PGGHG: variants seen among roughly 807,000 people sequenced by gnomAD.
The protein encoded by PGGHG is protein-glucosylgalactosylhydroxylysine glucosidase.
PGGHG carries 67 observed loss-of-function variants against 74.5 expected under a neutral mutation model. The observed-to-expected ratio is 0.90, with a 90% CI of 0.74 to 1.10. The LOEUF is 1.10. PGGHG is among the 50% of genes least tolerant of loss of function. The probability of loss-of-function intolerance (pLI) is 0.00; values close to 1 mark genes in which losing one functional copy is unlikely to be tolerated. For missense variants in PGGHG, 1,034 were observed against 981.5 expected (o/e 1.05, Z -0.72); for synonymous variants, 496 against 419.9 (o/e 1.18, Z -2.21).
intron 11 of PGGHG, 34 bp from the exon 12 acceptor site, chr11:294,065 G>A (rs2134030312): frequency 1.3e-6 from 2 of 1,586,180 alleles, no homozygotes; most frequent in Non-Finnish European, 1.7e-6. Flanking sequence ...CGGTGACCTG[G>A]GGGTCCTGGT....
chr11:292,706 C>T (rs373066201), intron 6 of PGGHG, 29 bp downstream of exon 6: 186 of 1,612,988 alleles, frequency 1.2e-4, no homozygotes, highest in Admixed American at 1.5e-4. Context: ...ACCATTCCTG[C>T]AAGTGTGGCC....
chr11:292,119 C>G, intron 5 of PGGHG, 24 bp downstream of exon 5: 1 of 1,530,504 alleles, frequency 6.5e-7, no homozygotes. Flanking sequence ...GGGCACTGGC[C>G]CGTAGGGCCC....
rs756297743 is a variant in PGGHG at position 293,549 on chromosome 11, G to C, written c.1481-45G>C. ...CTCCTCCCCTGCCGTCGAGACCCTC[G>C]AGTCTGTCCTGGAACACCTTCCAGT... On this transcript the variant is annotated intron_variant, in intron 9 of 13. Coordinates refer to ENST00000409548, the MANE Select transcript of PGGHG (RefSeq NM_025092.5). 1.5e-5 allele frequency: 24 copies of C among 1,612,470 alleles called. No homozygotes were observed. In the South Asian group the frequency reaches 2.5e-4, roughly 17 times the overall value.
chr11:291,604 G>A (rs1404702066), intron 4 of PGGHG: 1 of 284,074 alleles, frequency 3.5e-6, no homozygotes, highest in Non-Finnish European at 6.7e-6. Flanking sequence ...TGACTGTGCT[G>A]GGGCTGCTCC....
In PGGHG at chr11:289,127, C is replaced by A. The variant is rs942670110; in HGVS notation, c.-126C>A. ...GCCCGGGCCCTCGGGGCGGGGACCGCGGACCTTCCTGGTGGCGCGGCAGCC... is the reference window on the plus strand; with the variant it reads ...GCCCGGGCCCTCGGGGCGGGGACCGAGGACCTTCCTGGTGGCGCGGCAGCC... On this transcript the variant is annotated 5_prime_UTR_variant, in exon 1 of 14. Transcript: ENST00000409548. The surrounding 1 kb of genome is among the most constrained non-coding windows in gnomAD (Gnocchi z 5.6). 2.7e-5 allele frequency: 4 copies of A among 150,524 alleles called. No homozygotes were observed. The highest frequency in any genetic ancestry group is 7.3e-5 in the African/African-American group (3 of 41,254). 9.3% of individuals were successfully genotyped at this position (150,524 alleles called of 1,614,324 possible).
chr11:291,152 G>A lies in PGGHG; in HGVS notation c.906+39G>A, dbSNP rs765070238. ...ACCCAGCACCAGCCACACAGCAGGC[G>A]ACACATGGAGGTCCACGGTCTCTGC... On this transcript the variant is annotated intron_variant, in intron 4 of 13. Coordinates refer to ENST00000409548, the MANE Select transcript of PGGHG (RefSeq NM_025092.5). 119 of 1,522,024 alleles carry A rather than the reference G, an allele frequency of 7.8e-5. 1 individual carries two copies. In the South Asian group the frequency reaches 1.3e-3, roughly 16 times the overall value. 94.3% of individuals were successfully genotyped at this position (1,522,024 alleles called of 1,614,324 possible). A position where few individuals can be genotyped will look rare whatever the true frequency, so the allele number is the denominator to read the frequency against.
rs748770834 is a variant in PGGHG at position 290,629 on chromosome 11, G to A, written c.470+29G>A. 1.8e-5 allele frequency: 29 copies of A among 1,601,210 alleles called. No homozygotes were observed. The Admixed American group carries it at 4.6e-4, about 26-fold the overall frequency. On this transcript the variant is annotated intron_variant, in intron 3 of 13. Transcript: ENST00000409548. ...AGGAGGGGGCTGGATTTGCAGCCAG[G>A]GAGTCCAGGGAGGGAGCTCATCCCT...
In PGGHG at chr11:290,981, C is replaced by T; in HGVS notation, c.774C>T (p.Gly258=). The T allele has an allele frequency of 1.9e-6, 3 of 1,612,744 alleles. No individual in the cohort carries two copies. Among genetic ancestry groups the T allele is most frequent in the Non-Finnish European group, 8.5e-7 (1 of 1,179,996 alleles). ...TGCAGCTGCGCCAGGCCCTGCGTGG[C>T]TCCCTCTACTACCTGCTCAGTGCCC... The part of the protein sequence containing the change: ...GPLQLRQALR[G]SLYYLLSALP... The change falls in exon 4 of 14, where the codon GGC becomes GGT. Residue 258 remains glycine, a synonymous_variant. Transcript: ENST00000409548.
chr11:290,049 A>G lies in PGGHG; in HGVS notation c.233A>G (p.Glu78Gly). The change falls in exon 2 of 14, where the codon GAG (glutamate) becomes GGG (glycine). Residue 78 changes from glutamate to glycine, a missense_variant. Physicochemically the swap from Glu to Gly is moderately conservative, Grantham distance 98 (BLOSUM62 -2). Transcript: ENST00000409548. The part of the protein sequence containing the change: ...APAGMGEQLT[E>G]TFALDTNTGS... ...GCAGGGATGGGGGAGCAGCTGACCGAGACCTTCGCCCTGGACACCAACACA... is the reference window on the plus strand; with the variant it reads ...GCAGGGATGGGGGAGCAGCTGACCGGGACCTTCGCCCTGGACACCAACACA... 3 of 1,540,260 alleles carry G rather than the reference A, an allele frequency of 1.9e-6. No individual in the cohort carries two copies. Among genetic ancestry groups the G allele is most frequent in the Non-Finnish European group, 2.6e-6 (3 of 1,145,240 alleles).
chr11:293,970 G>T (rs767750412), intron 11 of PGGHG, 45 bp downstream of exon 11: 9 of 1,598,736 alleles, frequency 5.6e-6, no homozygotes, highest in Middle Eastern at 1.8e-4. Context: ...CTTGTGGTGG[G>T]AGTGGAGCCC....
Position 293,747 on chromosome 11 carries a change from G to A in PGGHG, c.1614+20G>A. 6.2e-7 allele frequency: 1 copy of A among 1,613,344 alleles called. No individual in the cohort carries two copies. Among genetic ancestry groups the A allele is most frequent in the South Asian group, 1.1e-5 (1 of 91,090 alleles). On this transcript the variant is annotated intron_variant, in intron 10 of 13. Coordinates refer to ENST00000409548, the MANE Select transcript of PGGHG (RefSeq NM_025092.5). ...ACCTGGGTGAGCACCCTGGGGCTGT[G>A]GAGTTCCTACCCCATTGGCCTCAGT...
chr11:289,717 T>C lies in PGGHG; in HGVS notation c.-13-87T>C. The C allele has an allele frequency of 7.0e-7, 1 of 1,431,308 alleles. No homozygotes were observed. Among genetic ancestry groups the C allele is most frequent in the Non-Finnish European group, 9.2e-7 (1 of 1,083,722 alleles). 88.7% of individuals were successfully genotyped at this position (1,431,308 alleles called of 1,614,324 possible). A position where few individuals can be genotyped will look rare whatever the true frequency, so the allele number is the denominator to read the frequency against. On this transcript the variant is annotated intron_variant, in intron 1 of 13. Coordinates refer to ENST00000409548, the MANE Select transcript of PGGHG (RefSeq NM_025092.5). This position sits in a 1 kb window ranked among gnomAD's most constrained non-coding sequence, Gnocchi z 5.6. Reference sequence around the variant, plus strand: ...CTGGTTCCGCAACTCCCCCCAGTTCTGAGGGAGGCTTCAGGGGATTACAGA... The same window carrying C: ...CTGGTTCCGCAACTCCCCCCAGTTCCGAGGGAGGCTTCAGGGGATTACAGA...
At position 292,006 on chromosome 11, in the gene PGGHG, T is replaced by A. The variant is rs1845737366; in HGVS notation, c.937T>A (p.Phe313Ile). Residue 313 changes from phenylalanine to isoleucine, a missense_variant, in exon 5 of 14, where the codon TTC becomes ATC. Phe to Ile is a conservative substitution (Grantham distance 21). Transcript: ENST00000409548. ...DLWMFPSILM[F>I]HPEAARAILE... ...CTGGATGTTCCCGAGTATCCTGATGTTCCACCCAGAAGCCGCCAGGGCCAT... is the reference window on the plus strand; with the variant it reads ...CTGGATGTTCCCGAGTATCCTGATGATCCACCCAGAAGCCGCCAGGGCCAT... The A allele has an allele frequency of 1.2e-6, 2 of 1,610,500 alleles. No homozygotes were observed. The highest frequency in any genetic ancestry group is 1.7e-6 in the Non-Finnish European group (2 of 1,178,812).
chr11:290,714 C>T lies in PGGHG; in HGVS notation c.507C>T (p.Pro169=), dbSNP rs1456767823. 2.5e-6 allele frequency: 4 copies of T among 1,604,194 alleles called. No individual in the cohort carries two copies. The highest frequency in any genetic ancestry group is 1.7e-4 in the Middle Eastern group (1 of 6,004). Residue 169 remains proline (P), a synonymous_variant, in exon 4 of 14, where the codon CCC becomes CCT. Transcript: ENST00000409548. ...GCCACACCCTCACCCCTGAGCAGCC[C>T]GGGGGGCCACAGCAAGAGGTACACA... ...LYGHTLTPEQ[P]GGPQQEVHML...
Position 293,861 on chromosome 11 carries a change from A to G in PGGHG, c.1646A>G (p.Lys549Arg). ...SMFAVGWMEL[K>R]DAVRARGLLD... ...TTTGCTGTGGGCTGGATGGAGCTGA[A>G]GGACGCAGTGCGGGCCCGGGGCCTC... is the stretch of plus-strand genomic sequence containing the variant. The change falls in exon 11 of 14, where the codon AAG (lysine) becomes AGG (arginine). Residue 549 changes from lysine to arginine, a missense_variant. Lys to Arg is a conservative substitution (Grantham distance 26, BLOSUM62 2). Transcript: ENST00000409548. 1 of 1,613,700 alleles carries G rather than the reference A, an allele frequency of 6.2e-7. No homozygotes were observed. Among genetic ancestry groups the G allele is most frequent in the Non-Finnish European group, 8.5e-7 (1 of 1,179,990 alleles).
At chr11:292,435 G>A (rs1274998710) in intron 5 of PGGHG, 111 bp from the exon 6 acceptor site, 1 of 1,396,620 alleles carries the variant, frequency 7.2e-7, no homozygotes. Flanking sequence ...CACCCGCCAG[G>A]GTACCTGGCG....
Position 293,800 on chromosome 11 carries a change from C to G in PGGHG, c.1615-30C>G, listed in dbSNP as rs779729545. 4 of 1,613,500 alleles carry G rather than the reference C, an allele frequency of 2.5e-6. No individual in the cohort carries two copies. The South Asian group carries it at 4.4e-5, about 18-fold the overall frequency. ...TCTCTGCCCACGCAGTGGGCCTCAC[C>G]CCTGTGTGTCCTCTTACCTCTGACC... On this transcript the variant is annotated intron_variant, in intron 10 of 13. Coordinates refer to ENST00000409548, the MANE Select transcript of PGGHG (RefSeq NM_025092.5).
Position 290,110 on chromosome 11 carries a change from G to A in PGGHG, c.259+35G>A, listed in dbSNP as rs1313795473. On this transcript the variant is annotated intron_variant, in intron 2 of 13. Coordinates refer to ENST00000409548, the MANE Select transcript of PGGHG (RefSeq NM_025092.5). ...CCTGGCCTGCCTCACCCCTGCCCCA[G>A]GCATTGTTCCAGGTCGGTGGGGCAA... is the stretch of plus-strand genomic sequence containing the variant. The A allele has an allele frequency of 4.0e-6, 6 of 1,495,656 alleles. No individual in the cohort carries two copies. The African/African-American group carries it at 5.5e-5, about 14-fold the overall frequency. The allele number at this position is 1,495,656 out of a possible 1,614,324, so 92.6% of individuals were successfully genotyped here. A position where few individuals can be genotyped will look rare whatever the true frequency, so the allele number is the denominator to read the frequency against.
Position 291,479 on chromosome 11 carries a change from G to C in PGGHG, c.906+366G>C. The C allele has an allele frequency of 1.4e-5, 4 of 282,130 alleles. No individual in the cohort carries two copies. The South Asian group carries it at 2.6e-4, about 18-fold the overall frequency. 17.5% of individuals were successfully genotyped at this position (282,130 alleles called of 1,614,324 possible). ...TCAGGACGGGGACCTGTGGGGACTG[G>C]GAAGGCCTGTGGGGCTGCGTGGAGC... On this transcript the variant is annotated intron_variant, in intron 4 of 13. Coordinates refer to ENST00000409548, the MANE Select transcript of PGGHG (RefSeq NM_025092.5).
Sources: allele counts gnomAD v4.1 joint callset, GRCh38; gene constraint gnomAD v4.1.1; non-coding constraint Gnocchi (gnomAD v3.1); transcripts MANE v1.5; gene names NCBI Gene and HGNC (gene_info 2026-07-23, HGNC 2026-07-21).